Variants in RMST observed in about 807,000 individuals in gnomAD.
RMST encodes rhabdomyosarcoma 2 associated transcript.
chr12:97,563,101 G>C (rs1220156145), intron 13 of RMST, among the ~76,000 whole-genome samples: 2 of 152,122 alleles, frequency 1.3e-5, no homozygotes, highest in East Asian at 1.9e-4. Flanking sequence ...ATAATACCAA[G>C]AGCAATGTCA....
At chr12:97,559,517 A>G (rs1301558369) in intron 11 of RMST, among the ~76,000 whole-genome samples, 2 of 152,154 alleles carry the variant, frequency 1.3e-5, no homozygotes, top group East Asian at 3.8e-4. Context: ...TGGCAAGGCA[A>G]TATATCCATA....
intron 11 of RMST, among the ~76,000 whole-genome samples, chr12:97,545,415 G>A (rs1334240778): frequency 6.6e-6 from 1 of 152,062 alleles, no homozygotes; most frequent in Non-Finnish European, 1.5e-5. Flanking sequence ...CCTTCACAAT[G>A]ATAAATAAGA....
intron 10 of RMST, among the ~76,000 whole-genome samples, chr12:97,498,707 C>A (rs968856487): frequency 3.3e-5 from 5 of 152,190 alleles, no homozygotes; most frequent in African/African-American, 1.2e-4. Context: ...CCAGTACCTT[C>A]TGTCAGCATT....
At chr12:97,510,256 G>A (rs1025028635) in intron 10 of RMST, among the ~76,000 whole-genome samples, 9 of 152,072 alleles carry the variant, frequency 5.9e-5, no homozygotes, top group Non-Finnish European at 1.0e-4. Flanking sequence ...TCTAAGAAGC[G>A]TTTTCTGAGG....
intron 5 of RMST, among the ~76,000 whole-genome samples, chr12:97,471,577 G>A (rs538037360): frequency 3.3e-5 from 5 of 152,188 alleles, no homozygotes; most frequent in Admixed American, 6.5e-5. Context: ...TGTTGATGTC[G>A]GTAAAATGCA....
At chr12:97,481,591 C>T (rs1384597075) in intron 5 of RMST, among the ~76,000 whole-genome samples, 1 of 152,040 alleles carries the variant, frequency 6.6e-6, no homozygotes, top group Non-Finnish European at 1.5e-5. Context: ...ACTACACATG[C>T]TATTTTCTCA....
intron 10 of RMST, among the ~76,000 whole-genome samples, chr12:97,510,831 G>C: frequency 6.6e-6 from 1 of 151,944 alleles, no homozygotes; most frequent in East Asian, 1.9e-4. Flanking sequence ...CAATAAAGTC[G>C]ATAGGCTGAA....
chr12:97,479,824 C>T (rs1325420442), intron 5 of RMST, among the ~76,000 whole-genome samples: 1 of 152,134 alleles, frequency 6.6e-6, no homozygotes, highest in African/African-American at 2.4e-5. Context: ...CTCTTGTCTG[C>T]AGTTCAGACT....
At chr12:97,548,515 G>GTCTA (rs1883096408) in intron 11 of RMST, among the ~76,000 whole-genome samples, 1 of 49,808 alleles carries the variant, frequency 2.0e-5, no homozygotes, top group Non-Finnish European at 6.3e-5. Flanking sequence ...CATGAACATG[G>GTCTA]GCTATTTTAA....
At chr12:97,463,605 G>C (rs1362049670) in intron 4 of RMST, among the ~76,000 whole-genome samples, 1 of 152,154 alleles carries the variant, frequency 6.6e-6, no homozygotes, top group Non-Finnish European at 1.5e-5. Context: ...AAGAGCATAT[G>C]GCCATGCAGA....
chr12:97,486,251 G>A (rs1876087537), intron 5 of RMST, among the ~76,000 whole-genome samples: 1 of 152,180 alleles, frequency 6.6e-6, no homozygotes, highest in African/African-American at 2.4e-5. Flanking sequence ...AAATAAGAGA[G>A]AACTCTGAAT....
chr12:97,548,903 T>C (rs1350912963), intron 11 of RMST, among the ~76,000 whole-genome samples: 2 of 152,166 alleles, frequency 1.3e-5, no homozygotes, highest in Admixed American at 6.6e-5. Context: ...AAATAAATAA[T>C]GGAGATTGAC....
intron 5 of RMST, among the ~76,000 whole-genome samples, chr12:97,466,395 AATATTTTAT>A (rs1253090662): frequency 6.6e-6 from 1 of 152,178 alleles, no homozygotes; most frequent in Admixed American, 6.6e-5. Flanking sequence ...TCTTGAAGGT[AATATTTTAT>A]ATAAGTGGTT....
chr12:97,473,301 T>C (rs1273542433), intron 5 of RMST, among the ~76,000 whole-genome samples: 1 of 152,160 alleles, frequency 6.6e-6, no homozygotes, highest in Non-Finnish European at 1.5e-5. Flanking sequence ...TATGTCATCC[T>C]GTTAGTGATT....
chr12:97,555,445 G>A (rs145922097), intron 11 of RMST, among the ~76,000 whole-genome samples: 6 of 152,192 alleles, frequency 3.9e-5, no homozygotes, highest in East Asian at 3.9e-4. Flanking sequence ...CATCATCTAC[G>A]TTTCATGTGT....
intron 11 of RMST, among the ~76,000 whole-genome samples, chr12:97,556,994 T>C (rs1883753330): frequency 6.6e-6 from 1 of 152,202 alleles, no homozygotes; most frequent in South Asian, 2.1e-4. Flanking sequence ...ATATGGCTTG[T>C]CTTTTTCACT....
intron 11 of RMST, among the ~76,000 whole-genome samples, chr12:97,546,565 G>C (rs1313727051): frequency 6.6e-6 from 1 of 151,924 alleles, no homozygotes; most frequent in Non-Finnish European, 1.5e-5. Context: ...CTGGGTGACA[G>C]AACAAGACTC....
intron 11 of RMST, among the ~76,000 whole-genome samples, chr12:97,553,389 CAGTT>C (rs1398959299): frequency 6.6e-6 from 1 of 152,158 alleles, no homozygotes; most frequent in Non-Finnish European, 1.5e-5. Context: ...AATTTATGCA[CAGTT>C]AGCCTCCAGA....
At chr12:97,463,013 A>T (rs1320620009) in intron 3 of RMST, 7 of 87,266 alleles carry the variant, frequency 8.0e-5, no homozygotes, top group Non-Finnish European at 1.8e-4. Flanking sequence ...GTCTCAAGTC[A>T]GCAGTCTCTC....
Sources: gnomAD v4.1 joint callset for allele counts (sites outside exome capture counted in the v4.1 genomes callset) on GRCh38, gnomAD v4.1.1 for gene constraint, MANE v1.5 for transcripts, NCBI Gene and HGNC (gene_info 2026-07-23, HGNC 2026-07-21) for gene names.